Variants in KATNA1 observed in about 807,000 individuals in gnomAD.
The protein encoded by KATNA1 is katanin p60 ATPase-containing subunit A1.
KATNA1 carries 42 observed loss-of-function variants against 62.6 expected under a neutral mutation model. The ratio of observed to expected loss-of-function variants is 0.67; its 90% CI spans 0.52 to 0.87. The LOEUF is 0.87. Among genes scored for constraint, KATNA1 ranks in the 40% least tolerant of loss-of-function variants. The pLI is 0.00. For missense variants in KATNA1, 498 were observed against 612.5 expected (o/e 0.81, Z 1.97); for synonymous variants, 186 against 201.9 (o/e 0.92, Z 0.67).
rs1448901969 is a variant in KATNA1 at position 149,595,136 on chromosome 6, A to G, written c.1376T>C (p.Met459Thr). The change falls in exon 11 of 11, where the codon ATG (methionine) becomes ACG (threonine). Residue 459 changes from methionine to threonine, a missense_variant. Met to Thr is a moderately conservative substitution (Grantham distance 81). Transcript: ENST00000367411. ...SKEEMHMPTT[M>T]EDFEMALKKV... ...TTTTAAAGCCATCTCGAAATCCTCC[A>G]TAGTTGTAGGCATGTGCATTTCTTC... 2 of 1,614,064 alleles carry G rather than the reference A, an allele frequency of 1.2e-6. No individual in the cohort carries two copies. Among genetic ancestry groups the G allele is most frequent in the Admixed American group, 1.7e-5 (1 of 60,002 alleles).
chr6:149,645,572 C>T (rs1401923065), intron 1 of KATNA1, among the ~76,000 whole-genome samples: 1 of 152,010 alleles, frequency 6.6e-6, no homozygotes, highest in Non-Finnish European at 1.5e-5. Flanking sequence ...GAGATTGCCC[C>T]AAAATTCAGG....
At chr6:149,615,768 A>G (rs561179796) in intron 4 of KATNA1, among the ~76,000 whole-genome samples, 1 of 152,298 alleles carries the variant, frequency 6.6e-6, no homozygotes, top group Non-Finnish European at 1.5e-5. Context: ...ACTGTACTCC[A>G]GCCTGGGCAA....
intron 9 of KATNA1, 104 bp from the exon 10 acceptor site, chr6:149,597,293 G>T: frequency 1.5e-6 from 2 of 1,314,528 alleles, no homozygotes; most frequent in East Asian, 2.4e-5. Context: ...AGTAAGAATT[G>T]GATCTCTAAG....
chr6:149,601,919 C>G lies in KATNA1; in HGVS notation c.730-167G>C, dbSNP rs561984616. The G allele has an allele frequency of 1.7e-5, 8 of 465,022 alleles. No homozygotes were observed. The East Asian group carries it at 2.4e-4, about 14-fold the overall frequency. 28.8% of individuals were successfully genotyped at this position (465,022 alleles called of 1,614,324 possible). A position where few individuals can be genotyped will look rare whatever the true frequency, so the allele number is the denominator to read the frequency against. ...TACTTTGTCACAAATTTACTCTTCC[C>G]GTTAAAAAAGAAGATAACCACATTA... On this transcript the variant is annotated intron_variant, in intron 6 of 10. Transcript: ENST00000367411.
intron 6 of KATNA1, among the ~76,000 whole-genome samples, chr6:149,602,586 CATTA>C (rs1007101196): frequency 1.5e-4 from 23 of 152,082 alleles, no homozygotes; most frequent in African/African-American, 4.3e-4. Flanking sequence ...AGATATTTCT[CATTA>C]ATTTATTGAG....
At chr6:149,609,425 C>G (rs1413449412) in intron 4 of KATNA1, among the ~76,000 whole-genome samples, 1 of 150,808 alleles carries the variant, frequency 6.6e-6, no homozygotes, top group Non-Finnish European at 1.5e-5. Flanking sequence ...TGGTGGCCCA[C>G]GCCTATAATC....
intron 3 of KATNA1, among the ~76,000 whole-genome samples, chr6:149,629,200 CAATAA>C (rs1779740867): frequency 2.0e-5 from 3 of 152,060 alleles, no homozygotes; most frequent in Admixed American, 2.0e-4. Flanking sequence ...AAGATCTTAC[CAATAA>C]CTGAGAGGAG....
chr6:149,600,850 G>A (rs1778516615), intron 7 of KATNA1, among the ~76,000 whole-genome samples: 1 of 151,886 alleles, frequency 6.6e-6, no homozygotes, highest in Admixed American at 6.6e-5. Context: ...GCTTAGATGG[G>A]AAGAGCACTT....
rs761550578 is a variant in KATNA1 at position 149,638,555 on chromosome 6, T to C, written c.-8A>G. On this transcript the variant is annotated 5_prime_UTR_variant, in exon 2 of 11. Transcript: ENST00000367411. ...AATCATAAGAAGACTCATGTTCAACTGTAAGCTAAAAAGAAGAAGAAAAAA... is the reference window on the plus strand; with the variant it reads ...AATCATAAGAAGACTCATGTTCAACCGTAAGCTAAAAAGAAGAAGAAAAAA... The C allele has an allele frequency of 6.2e-7, 1 of 1,600,224 alleles. No individual in the cohort carries two copies. The highest frequency in any genetic ancestry group is 8.5e-7 in the Non-Finnish European group (1 of 1,173,806).
At chr6:149,615,152 A>C (rs1457869132) in intron 4 of KATNA1, among the ~76,000 whole-genome samples, 6 of 150,754 alleles carry the variant, frequency 4.0e-5, no homozygotes, top group Non-Finnish European at 8.9e-5. Context: ...AAAAAAAAAA[A>C]AAACAACTAA....
At chr6:149,611,440 C>CAACA (rs1778949269) in intron 4 of KATNA1, among the ~76,000 whole-genome samples, 1 of 68,460 alleles carries the variant, frequency 1.5e-5, no homozygotes, top group East Asian at 4.1e-4. Flanking sequence ...CCAGCCTGGG[C>CAACA]AACAAGAGCA....
chr6:149,626,939 A>AT (rs1334722266), intron 3 of KATNA1, among the ~76,000 whole-genome samples: 25 of 151,950 alleles, frequency 1.6e-4, no homozygotes, highest in African/African-American at 5.1e-4. Context: ...AGCTGAGGTC[A>AT]TGCCACTGCA....
intron 1 of KATNA1, among the ~76,000 whole-genome samples, chr6:149,639,357 T>G (rs928669664): frequency 2.6e-5 from 4 of 151,102 alleles, no homozygotes; most frequent in African/African-American, 9.7e-5. Context: ...TCCCAACACT[T>G]TGGGAGGCTG....
intron 4 of KATNA1, among the ~76,000 whole-genome samples, chr6:149,615,460 C>T (rs1264514833): frequency 6.6e-6 from 1 of 151,978 alleles, no homozygotes; most frequent in Non-Finnish European, 1.5e-5. Context: ...CTGTCTTGGC[C>T]TCCCAAAGTG....
At chr6:149,606,249 T>C (rs544960852) in intron 4 of KATNA1, among the ~76,000 whole-genome samples, 1 of 152,282 alleles carries the variant, frequency 6.6e-6, no homozygotes, top group South Asian at 2.1e-4. Flanking sequence ...CCTAACTTCT[T>C]CATAAATGGA....
At position 149,639,665 on chromosome 6, in the gene KATNA1, C is replaced by T. The variant is rs74523267; in HGVS notation, c.-13-1105G>A. Among the ~76,000 whole-genome samples the T allele has an allele frequency of 4.3e-3, 647 of 151,886 alleles. 5 individuals carry two copies. Among genetic ancestry groups the T allele is most frequent in the African/African-American group, 0.014 (585 of 41,472 alleles). On this transcript the variant is annotated intron_variant, in intron 1 of 10. Transcript: ENST00000367411. ...TTAAAAAAGTTCCCACATTCAAACCCTCCCTATTGTCAAAGCCCAGCTCAG... is the reference window on the plus strand; with the variant it reads ...TTAAAAAAGTTCCCACATTCAAACCTTCCCTATTGTCAAAGCCCAGCTCAG...
intron 4 of KATNA1, among the ~76,000 whole-genome samples, chr6:149,609,580 G>A (rs150712071): frequency 0.019 from 2,846 of 151,814 alleles, 92 homozygotes; most frequent in African/African-American, 0.066. Context: ...CGAGGTGGGT[G>A]GGTCACGAAG....
intron 2 of KATNA1, among the ~76,000 whole-genome samples, chr6:149,635,412 A>C (rs1157159505): frequency 6.6e-6 from 1 of 152,246 alleles, no homozygotes; most frequent in Non-Finnish European, 1.5e-5. Context: ...CTGTATACTT[A>C]AAAATGGCCA....
intron 2 of KATNA1, among the ~76,000 whole-genome samples, chr6:149,636,491 G>A (rs1189724810): frequency 2.6e-5 from 4 of 151,942 alleles, no homozygotes; most frequent in African/African-American, 9.7e-5. Context: ...GGATATGGAG[G>A]GACAGATATA....
Sources: gnomAD v4.1 joint callset for allele counts (sites outside exome capture counted in the v4.1 genomes callset) on GRCh38, gnomAD v4.1.1 for gene constraint, MANE v1.5 for transcripts, NCBI Gene and HGNC (gene_info 2026-07-23, HGNC 2026-07-21) for gene names.